SCML2: variants seen among roughly 807,000 people sequenced by gnomAD.
SCML2 encodes sex comb on midleg-like protein 2.
A neutral mutation model predicts 48.4 loss-of-function variants in SCML2; 6 were observed. That is an observed-to-expected ratio of 0.12 (90% CI 0.07 to 0.24). The LOEUF (loss-of-function observed/expected upper bound fraction) is 0.24. Among genes scored for constraint, SCML2 ranks in the 10% least tolerant of loss-of-function variants. The pLI, the probability that SCML2 is intolerant of heterozygous loss-of-function variation, is 1.00. For synonymous variants in SCML2, 181 were observed against 189.5 expected (o/e 0.95, Z 0.37); for missense variants, 377 against 528.2 (o/e 0.71, Z 2.81).
chrX:18,255,961 C>T (rs1926826043), intron 11 of SCML2, among the ~76,000 whole-genome samples: 1 of 111,983 alleles, frequency 8.9e-6, no homozygotes, highest in African/African-American at 3.2e-5. Context: ...TCATGAGTCA[C>T]ATGAAAAAGA....
chrX:18,347,606 C>T (rs1930240373), intron 1 of SCML2, among the ~76,000 whole-genome samples: 1 of 106,339 alleles, frequency 9.4e-6, no homozygotes, highest in Non-Finnish European at 1.9e-5. Context: ...CACCTATAAT[C>T]TCACCTACCC....
At chrX:18,262,548 C>T (rs1927107209) in intron 8 of SCML2, among the ~76,000 whole-genome samples, 1 of 107,631 alleles carries the variant, frequency 9.3e-6, no homozygotes, top group Non-Finnish European at 1.9e-5. Context: ...GCCATGTTGG[C>T]CAGGCTGGTC....
chrX:18,300,482 G>A (rs1364677161), intron 7 of SCML2, among the ~76,000 whole-genome samples: 1 of 106,450 alleles, frequency 9.4e-6, no homozygotes, highest in Non-Finnish European at 1.9e-5. Flanking sequence ...AGATAAAGCA[G>A]ACGTTAAGGT....
intron 6 of SCML2, among the ~76,000 whole-genome samples, chrX:18,317,968 TC>T (rs1471858069): frequency 9.0e-6 from 1 of 111,238 alleles, no homozygotes; most frequent in Non-Finnish European, 1.9e-5. Context: ...ATAGCTTGAT[TC>T]CCATCCCCTG....
chrX:18,312,966 A>G (rs1293703972), intron 6 of SCML2, among the ~76,000 whole-genome samples: 1 of 102,208 alleles, frequency 9.8e-6, no homozygotes, highest in Non-Finnish European at 2.0e-5. Context: ...GTTTGGAGCC[A>G]GAATGGGTGT....
rs375101428 is a variant in SCML2 at position 18,313,987 on chromosome X, T to C, written c.486+6345A>G. ...CCAGACTCAAGTGATCTTCCCATCATTGAGGTCTATTTATAGAAATAGTAA... is the reference window on the plus strand; with the variant it reads ...CCAGACTCAAGTGATCTTCCCATCACTGAGGTCTATTTATAGAAATAGTAA... On this transcript the variant is annotated intron_variant, in intron 6 of 14. Coordinates refer to ENST00000251900, the MANE Select transcript of SCML2 (RefSeq NM_006089.3). Among the ~76,000 whole-genome samples the C allele has an allele frequency of 8.1e-5, 9 of 111,640 alleles. No homozygotes were observed. The East Asian group carries it at 1.1e-3, about 14-fold the overall frequency.
chrX:18,288,605 G>A (rs745343420), intron 7 of SCML2, among the ~76,000 whole-genome samples: 3 of 111,495 alleles, frequency 2.7e-5, no homozygotes, highest in Non-Finnish European at 5.7e-5. Context: ...CAAAATTACC[G>A]AGATATTTAG....
intron 7 of SCML2, among the ~76,000 whole-genome samples, chrX:18,276,594 G>A (rs1345410138): frequency 1.8e-5 from 2 of 111,957 alleles, no homozygotes; most frequent in Middle Eastern, 4.7e-3. Context: ...GTCCATCAAC[G>A]GAGAAATGGA....
chrX:18,250,290 G>A (rs1316509231), intron 11 of SCML2, among the ~76,000 whole-genome samples: 1 of 111,909 alleles, frequency 8.9e-6, no homozygotes, highest in African/African-American at 3.2e-5. Flanking sequence ...TCAGCTCACT[G>A]CAACCTCTGC....
intron 12 of SCML2, among the ~76,000 whole-genome samples, chrX:18,247,208 GCTGGTCTCGAACTC>G (rs1342385878): frequency 9.0e-6 from 1 of 110,990 alleles, no homozygotes; most frequent in Non-Finnish European, 1.9e-5. Context: ...TGTTGGCCAG[GCTGGTCTCGAACTC>G]CTGACCTCAG....
At chrX:18,341,164 C>T (rs772894463) in intron 1 of SCML2, 200 of 331,364 alleles carry the variant, frequency 6.0e-4, no homozygotes, top group Non-Finnish European at 9.0e-4. Context: ...AGCACTGGTC[C>T]CCAGCCCCAG....
At chrX:18,247,244 G>A (rs988008692) in intron 12 of SCML2, among the ~76,000 whole-genome samples, 5 of 111,111 alleles carry the variant, frequency 4.5e-5, no homozygotes, top group African/African-American at 1.6e-4. Context: ...TGATCCACCC[G>A]ACTTGGCGTT....
At chrX:18,354,253 C>T (rs1837598839) in intron 1 of SCML2, among the ~76,000 whole-genome samples, 1 of 113,332 alleles carries the variant, frequency 8.8e-6, no homozygotes, top group South Asian at 3.6e-4. Flanking sequence ...GCCCTACCCA[C>T]GGCAGGGAGG....
At chrX:18,327,958 A>G (rs918154100) in intron 3 of SCML2, among the ~76,000 whole-genome samples, 1 of 111,984 alleles carries the variant, frequency 8.9e-6, no homozygotes, top group African/African-American at 3.2e-5. Flanking sequence ...CTGAGGTCCC[A>G]GTCTGCCTCT....
chrX:18,312,829 G>A (rs1354752497), intron 6 of SCML2, among the ~76,000 whole-genome samples: 3 of 111,357 alleles, frequency 2.7e-5, no homozygotes, highest in Non-Finnish European at 5.6e-5. Flanking sequence ...TTGGGAGTAA[G>A]AGGTCTGGGG....
At chrX:18,278,148 A>G (rs1927710598) in intron 7 of SCML2, among the ~76,000 whole-genome samples, 1 of 111,905 alleles carries the variant, frequency 8.9e-6, no homozygotes, top group South Asian at 3.8e-4. Context: ...ACAGAGTGAG[A>G]CCCGATTTTG....
In SCML2 at chrX:18,260,152, T is replaced by C; in HGVS notation, c.1069+19A>G. The C allele has an allele frequency of 9.0e-7, 1 of 1,110,646 alleles. No homozygotes were observed. Among genetic ancestry groups the C allele is most frequent in the Non-Finnish European group, 1.2e-6 (1 of 828,468 alleles). The allele number at this position is 1,110,646 out of a possible 1,213,427, so 91.5% of individuals were successfully genotyped here. A position where few individuals can be genotyped will look rare whatever the true frequency, so the allele number is the denominator to read the frequency against. ...TAAAAGATTAGTAATTCTATACTAT[T>C]TTTAAAATATGAATTTACCTGTAGA... On this transcript the variant is annotated intron_variant, in intron 9 of 14. Coordinates refer to ENST00000251900, the MANE Select transcript of SCML2 (RefSeq NM_006089.3).
At chrX:18,311,881 C>G (rs1928960648) in intron 6 of SCML2, among the ~76,000 whole-genome samples, 1 of 111,857 alleles carries the variant, frequency 8.9e-6, no homozygotes, top group Non-Finnish European at 1.9e-5. Flanking sequence ...ATCCCTGCTT[C>G]CCGGGTTCAA....
At chrX:18,336,650 T>C in intron 1 of SCML2, among the ~76,000 whole-genome samples, 1 of 101,356 alleles carries the variant, frequency 9.9e-6, no homozygotes, top group South Asian at 4.5e-4. Context: ...GGCAGGAGAA[T>C]GATGTGAACC....
Sources: gnomAD v4.1 joint callset for allele counts (sites outside exome capture counted in the v4.1 genomes callset) on GRCh38, gnomAD v4.1.1 for gene constraint, MANE v1.5 for transcripts, NCBI Gene and HGNC (gene_info 2026-07-23, HGNC 2026-07-21) for gene names.